The following KCTD1 variants were observed in gnomAD, a reference collection of about 807,000 sequenced individuals.
KCTD1 encodes potassium channel tetramerization domain containing 1.
A neutral mutation model predicts 66.0 loss-of-function variants in KCTD1; 24 were observed. The observed-to-expected ratio is 0.36, with a 90% CI of 0.26 to 0.51. The LOEUF is 0.51. Among genes scored for constraint, KCTD1 ranks in the 20% least tolerant of loss-of-function variants. The probability of loss-of-function intolerance (pLI) is 0.95; values close to 1 mark genes in which losing one functional copy is unlikely to be tolerated. For synonymous variants in KCTD1, 511 were observed against 517.2 expected, an observed-to-expected ratio of 0.99 and a Z score of 0.16; for missense variants, 943 against 1,205.2, an observed-to-expected ratio of 0.78 and a Z score of 3.22.
At position 26,546,888 on chromosome 18, in the gene KCTD1, G is replaced by T. The variant is rs1441445808; in HGVS notation, c.1649C>A (p.Thr550Asn). The change falls in exon 1 of 5, where the codon ACT becomes AAT. Residue 550 changes from threonine (T) to asparagine (N), a missense_variant. By Grantham distance (65) the Thr-to-Asn change is moderately conservative. Transcript: ENST00000580059. Reference protein sequence around the residue: ...VFGSGEICGPTSPKRLCIRPS... With the variant: ...VFGSGEICGPNSPKRLCIRPS... ...GCGGATACAAAGTCTTTTGGGGGAA[G>T]TGGGGCCGCAGATTTCCCCCGACCC... 1 of 1,487,394 alleles carries T rather than the reference G, an allele frequency of 6.7e-7. No individual in the cohort carries two copies. The highest frequency in any genetic ancestry group is 8.9e-7 in the Non-Finnish European group (1 of 1,117,768). 92.1% of individuals were successfully genotyped at this position (1,487,394 alleles called of 1,614,324 possible). A position where few individuals can be genotyped will look rare whatever the true frequency, so the allele number is the denominator to read the frequency against.
chr18:26,489,695 T>C (rs1299380890), intron 2 of KCTD1, among the ~76,000 whole-genome samples: 5 of 152,224 alleles, frequency 3.3e-5, no homozygotes, highest in Admixed American at 6.5e-5. Context: ...GAATAACTTG[T>C]ACGGGATTTT....
chr18:26,465,298 G>A (rs1427428949), intron 3 of KCTD1, among the ~76,000 whole-genome samples: 1 of 152,114 alleles, frequency 6.6e-6, no homozygotes, highest in African/African-American at 2.4e-5. Flanking sequence ...TGGCCAGGCT[G>A]GTCTTGAACT....
In KCTD1 at chr18:26,649,265, G is replaced by A. The variant is rs557157514; in HGVS notation, c.9+8095C>T. On this transcript the variant is annotated intron_variant, in intron 1 of 4. Transcript: ENST00000580191. Reference sequence around the variant, plus strand: ...GCTCTCAACCCAGAGCATGGTAGACGCTGGAGGTTAACAGCACTTTCTTCT... The same window carrying A: ...GCTCTCAACCCAGAGCATGGTAGACACTGGAGGTTAACAGCACTTTCTTCT... 2.8e-3 allele frequency among the ~76,000 whole-genome samples: 427 copies of A among 152,304 alleles called. 2 individuals are homozygous for A. Among genetic ancestry groups the A allele is most frequent in the Middle Eastern group, 0.01 (3 of 294 alleles).
At chr18:26,473,712 A>G (rs1981194251) in intron 3 of KCTD1, among the ~76,000 whole-genome samples, 1 of 152,158 alleles carries the variant, frequency 6.6e-6, no homozygotes. Flanking sequence ...CATGTCTTCA[A>G]ACCCTGGAAT....
chr18:26,621,628 G>A (rs1366472280), intron 1 of KCTD1, among the ~76,000 whole-genome samples: 1 of 152,152 alleles, frequency 6.6e-6, no homozygotes, highest in Non-Finnish European at 1.5e-5. Context: ...TGCACAAGGG[G>A]GCAGGGCAGA....
intron 1 of KCTD1, among the ~76,000 whole-genome samples, chr18:26,651,058 ATT>A (rs772993354): frequency 2.4e-4 from 36 of 152,230 alleles, no homozygotes; most frequent in Admixed American, 1.4e-3. Flanking sequence ...ATAGAGACCA[ATT>A]CACATGTTCT....
intron 1 of KCTD1, among the ~76,000 whole-genome samples, chr18:26,538,744 G>A (rs1815804301): frequency 6.6e-6 from 1 of 152,188 alleles, no homozygotes; most frequent in African/African-American, 2.4e-5. Context: ...TGAGATCATT[G>A]TTATCATCAT....
chr18:26,651,041 G>A, intron 1 of KCTD1, among the ~76,000 whole-genome samples: 1 of 152,232 alleles, frequency 6.6e-6, no homozygotes, highest in East Asian at 1.9e-4. Flanking sequence ...GATTTGCTCA[G>A]CAAGAGATAG....
At chr18:26,537,549 C>T (rs1298178591) in intron 1 of KCTD1, among the ~76,000 whole-genome samples, 1 of 152,192 alleles carries the variant, frequency 6.6e-6, no homozygotes, top group African/African-American at 2.4e-5. Flanking sequence ...TCTATTTCAA[C>T]CGTATATTAG....
chr18:26,601,035 A>G (rs774672964), intron 1 of KCTD1, among the ~76,000 whole-genome samples: 1 of 152,166 alleles, frequency 6.6e-6, no homozygotes, highest in Non-Finnish European at 1.5e-5. Context: ...ATAGTCATCC[A>G]TGCTCAGTTT....
chr18:26,618,798 A>G (rs1987311642), intron 1 of KCTD1, among the ~76,000 whole-genome samples: 1 of 152,210 alleles, frequency 6.6e-6, no homozygotes, highest in Non-Finnish European at 1.5e-5. Flanking sequence ...TATTATCTAG[A>G]ATTAAAGTAG....
At chr18:26,537,124 T>C (rs1196304991) in intron 1 of KCTD1, among the ~76,000 whole-genome samples, 1 of 152,236 alleles carries the variant, frequency 6.6e-6, no homozygotes, top group Non-Finnish European at 1.5e-5. Context: ...GTTATACTTT[T>C]ACTTAGATCT....
chr18:26,503,987 G>A (rs1220501756), intron 1 of KCTD1, among the ~76,000 whole-genome samples: 7 of 152,120 alleles, frequency 4.6e-5, no homozygotes, highest in Non-Finnish European at 7.3e-5. Flanking sequence ...CTGTGGCTGC[G>A]CTCATTTCTA....
chr18:26,613,415 T>C (rs1278978131), intron 1 of KCTD1, among the ~76,000 whole-genome samples: 1 of 152,178 alleles, frequency 6.6e-6, no homozygotes. Flanking sequence ...CTGTCACTGC[T>C]CATCTGGATT....
chr18:26,508,302 A>G (rs1983152780), intron 1 of KCTD1, among the ~76,000 whole-genome samples: 1 of 152,160 alleles, frequency 6.6e-6, no homozygotes, highest in African/African-American at 2.4e-5. Context: ...CAGAGGAGCA[A>G]TGATTTTTTT....
intron 3 of KCTD1, among the ~76,000 whole-genome samples, chr18:26,461,740 G>A (rs934435832): frequency 5.9e-5 from 9 of 152,230 alleles, no homozygotes; most frequent in African/African-American, 1.7e-4. Flanking sequence ...CAAGAGAAGC[G>A]AGAACTTATG....
At chr18:26,556,609 A>G (rs1323512306) in intron 1 of KCTD1, among the ~76,000 whole-genome samples, 1 of 152,258 alleles carries the variant, frequency 6.6e-6, no homozygotes, top group African/African-American at 2.4e-5. Context: ...ACATACATGC[A>G]TCATAGTTCT....
chr18:26,618,000 T>C (rs1987294858), intron 1 of KCTD1, among the ~76,000 whole-genome samples: 1 of 151,836 alleles, frequency 6.6e-6, no homozygotes, highest in African/African-American at 2.4e-5. Context: ...GCACAAATAA[T>C]TAGTTCTTTG....
chr18:26,605,733 T>C (rs1381949547), intron 1 of KCTD1, among the ~76,000 whole-genome samples: 2 of 116,028 alleles, frequency 1.7e-5, no homozygotes, highest in Non-Finnish European at 3.9e-5. Context: ...TATATCTATC[T>C]ATCTATCTAT....
Sources: gnomAD v4.1 joint callset for allele counts (sites outside exome capture counted in the v4.1 genomes callset) on GRCh38, gnomAD v4.1.1 for gene constraint, MANE v1.5 for transcripts, NCBI Gene and HGNC (gene_info 2026-07-23, HGNC 2026-07-21) for gene names.